FAT3: variants seen among roughly 807,000 people sequenced by gnomAD.
The protein encoded by FAT3 is protocadherin Fat 3.
Under a neutral mutation model 310.2 loss-of-function variants are expected in FAT3, and 95 were observed. The ratio of observed to expected loss-of-function variants is 0.31; its 90% CI spans 0.26 to 0.36. The LOEUF is 0.36. Ranked by LOEUF, FAT3 falls within the 10% of genes least tolerant of loss-of-function variation. The probability of loss-of-function intolerance (pLI) is 1.00; values close to 1 mark genes in which losing one functional copy is unlikely to be tolerated. For missense variants in FAT3, 5,408 were observed against 5,715.6 expected, an observed-to-expected ratio of 0.95 and a Z score of 1.74; for synonymous variants, 2,314 against 2,192.9, an observed-to-expected ratio of 1.06 and a Z score of -1.54.
intron 3 of FAT3, among the ~76,000 whole-genome samples, chr11:92,568,156 A>G (rs1955538108): frequency 6.6e-6 from 1 of 152,204 alleles, no homozygotes; most frequent in African/African-American, 2.4e-5. Flanking sequence ...ACAAATCAAT[A>G]AGGTGTCTGT....
intron 4 of FAT3, among the ~76,000 whole-genome samples, chr11:92,726,587 AC>A (rs1029433140): frequency 6.6e-6 from 1 of 152,070 alleles, no homozygotes; most frequent in Non-Finnish European, 1.5e-5. Context: ...GCTTGAAATG[AC>A]CCCTTCACAC....
intron 19 of FAT3, among the ~76,000 whole-genome samples, chr11:92,854,178 C>T (rs543142611): frequency 6.6e-6 from 1 of 152,340 alleles, no homozygotes; most frequent in Middle Eastern, 3.4e-3. Flanking sequence ...GCATGCATAT[C>T]CATCCAGGTT....
intron 1 of FAT3, among the ~76,000 whole-genome samples, chr11:92,295,422 T>A (rs2134408691): frequency 6.6e-6 from 1 of 152,270 alleles, no homozygotes; most frequent in East Asian, 1.9e-4. Flanking sequence ...AGTAGTGACT[T>A]GCAAATTGCA....
At chr11:92,837,357 A>G (rs1336550736) in intron 16 of FAT3, among the ~76,000 whole-genome samples, 1 of 152,196 alleles carries the variant, frequency 6.6e-6, no homozygotes, top group Non-Finnish European at 1.5e-5. Flanking sequence ...TTTGTCCCCC[A>G]GGGACGTTTG....
chr11:92,552,143 G>A (rs555208750), intron 3 of FAT3, among the ~76,000 whole-genome samples: 1 of 152,230 alleles, frequency 6.6e-6, no homozygotes, highest in African/African-American at 2.4e-5. Flanking sequence ...CCCATACCCC[G>A]TGGTTGCAGC....
intron 4 of FAT3, among the ~76,000 whole-genome samples, 193 bp downstream of exon 4, chr11:92,697,638 A>G (rs1943980360): frequency 1.3e-5 from 2 of 152,214 alleles, no homozygotes; most frequent in African/African-American, 4.8e-5. Context: ...GTGCTGAGCC[A>G]GGGTGGTAGG....
rs1387340535 is a variant in FAT3 at position 92,801,278 on chromosome 11, A to G, written c.8265A>G (p.Ile2755Met). 1 of 1,613,920 alleles carries G rather than the reference A, an allele frequency of 6.2e-7. No individual in the cohort carries two copies. ...GGCCAGAAAATAACAAAGGGGGCAT[A>G]TTCGTCATAGAACAGGAAACAGGCA... ...GERPENNKGG[I>M]FVIEQETGTI... Residue 2755 changes from isoleucine to methionine, a missense_variant, in exon 10 of 28, where the codon ATA becomes ATG. Physicochemically the swap from Ile to Met is conservative, Grantham distance 10. Around this residue, in one of 5 missense-constraint regions of FAT3, gnomAD observed 4,588 missense variants for 4,809.8 expected, o/e 0.95. Coordinates refer to ENST00000525166, the MANE Select transcript of FAT3 (RefSeq NM_001367949.2).
At chr11:92,426,965 G>A (rs903801900) in intron 2 of FAT3, among the ~76,000 whole-genome samples, 1 of 152,114 alleles carries the variant, frequency 6.6e-6, no homozygotes, top group East Asian at 1.9e-4. Flanking sequence ...ATCACTTTGG[G>A]TAGTATGGCC....
chr11:92,801,840 G>C lies in FAT3; in HGVS notation c.8827G>C (p.Val2943Leu). The C allele has an allele frequency of 6.2e-7, 1 of 1,613,984 alleles. No homozygotes were observed. The highest frequency in any genetic ancestry group is 8.5e-7 in the Non-Finnish European group (1 of 1,179,858). The part of the protein sequence containing the change: ...VKESDPPGEV[V>L]AVLSTWDRDT... ...GGAGAGCGACCCACCGGGCGAGGTGGTAGCCGTCCTCAGCACCTGGGACAG... is the reference window on the plus strand; with the variant it reads ...GGAGAGCGACCCACCGGGCGAGGTGCTAGCCGTCCTCAGCACCTGGGACAG... Residue 2943 changes from valine to leucine, a missense_variant, in exon 10 of 28, where the codon GTA (valine) becomes CTA (leucine). By Grantham distance (32) the Val-to-Leu change is conservative. Coordinates refer to ENST00000525166, the MANE Select transcript of FAT3 (RefSeq NM_001367949.2).
intron 13 of FAT3, 151 bp from the exon 14 acceptor site, chr11:92,831,471 A>T: frequency 1.6e-6 from 1 of 632,542 alleles, no homozygotes; most frequent in Non-Finnish European, 2.5e-6. Context: ...CATAAACTGA[A>T]ATTTACATTT....
intron 1 of FAT3, among the ~76,000 whole-genome samples, chr11:92,337,995 A>G (rs190100756): frequency 2.2e-4 from 33 of 152,332 alleles, no homozygotes; most frequent in Admixed American, 2.0e-3. Context: ...TAGGAAAGGC[A>G]TGTTAAACAC....
chr11:92,685,123 T>C (rs1943593935), intron 3 of FAT3, among the ~76,000 whole-genome samples: 1 of 152,238 alleles, frequency 6.6e-6, no homozygotes, highest in Non-Finnish European at 1.5e-5. Flanking sequence ...AAATGAAACA[T>C]GGGCTGAGCC....
chr11:92,617,238 C>T (rs578218599), intron 3 of FAT3, among the ~76,000 whole-genome samples: 1 of 152,272 alleles, frequency 6.6e-6, no homozygotes, highest in South Asian at 2.1e-4. Context: ...GATCTTCCAT[C>T]ACTGATACCC....
intron 3 of FAT3, among the ~76,000 whole-genome samples, chr11:92,613,029 T>A (rs1301064258): frequency 6.6e-6 from 1 of 152,230 alleles, no homozygotes; most frequent in Non-Finnish European, 1.5e-5. Flanking sequence ...CCCTTCTTTT[T>A]CTACCTCACT....
At chr11:92,323,815 G>C (rs1231529348) in intron 1 of FAT3, among the ~76,000 whole-genome samples, 1 of 152,140 alleles carries the variant, frequency 6.6e-6, no homozygotes, top group African/African-American at 2.4e-5. Context: ...GAGTTAGCTT[G>C]TCTTTTGAAG....
chr11:92,269,623 G>C (rs1194138190), intron 1 of FAT3, among the ~76,000 whole-genome samples: 1 of 152,116 alleles, frequency 6.6e-6, no homozygotes, highest in Non-Finnish European at 1.5e-5. Context: ...GCAAAAGAAA[G>C]GGTAATAATA....
intron 3 of FAT3, among the ~76,000 whole-genome samples, chr11:92,651,712 A>G (rs903261135): frequency 2.6e-5 from 4 of 152,188 alleles, no homozygotes; most frequent in Non-Finnish European, 5.9e-5. Context: ...GCACACTTCC[A>G]GATTTCCAGT....
chr11:92,716,868 AT>A (rs1474788937), intron 4 of FAT3, among the ~76,000 whole-genome samples: 1 of 152,218 alleles, frequency 6.6e-6, no homozygotes, highest in Non-Finnish European at 1.5e-5. Context: ...CTGATAGAAC[AT>A]TTGCATAGCT....
chr11:92,706,134 T>G (rs1340192406), intron 4 of FAT3, among the ~76,000 whole-genome samples: 1 of 151,976 alleles, frequency 6.6e-6, no homozygotes, highest in Non-Finnish European at 1.5e-5. Context: ...GCTTATGAGA[T>G]GGGAGTGAGG....
Sources: allele counts gnomAD v4.1 joint callset (sites outside exome capture counted in the v4.1 genomes callset), GRCh38; gene constraint gnomAD v4.1.1; regional missense constraint gnomAD v4.1.1; transcripts MANE v1.5; gene names NCBI Gene and HGNC (gene_info 2026-07-23, HGNC 2026-07-21).